CCDC172: variants seen among roughly 807,000 people sequenced by gnomAD.
CCDC172 encodes coiled-coil domain-containing protein 172.
In CCDC172, 30 loss-of-function variants were observed where a neutral mutation model predicts 38.0. The observed-to-expected ratio is 0.79, with a 90% CI of 0.59 to 1.07. The LOEUF (loss-of-function observed/expected upper bound fraction) is 1.07. CCDC172 is among the 50% of genes least tolerant of loss of function. CCDC172 has a pLI of 0.00. For synonymous variants in CCDC172, 78 were observed against 88.3 expected (o/e 0.88, Z 0.66); for missense variants, 297 against 290.1 (o/e 1.02, Z -0.17).
chr10:116,378,393 AC>A, intron 7 of CCDC172, 29 bp from the exon 8 acceptor site: 1 of 1,562,688 alleles, frequency 6.4e-7, no homozygotes, highest in East Asian at 2.3e-5. Context: ...TTATTATTAA[AC>A]TAACAGGTGA....
At chr10:116,374,458 G>A (rs1845221841) in intron 7 of CCDC172, among the ~76,000 whole-genome samples, 1 of 151,614 alleles carries the variant, frequency 6.6e-6, no homozygotes, top group Admixed American at 6.6e-5. Context: ...ATATCTTTCT[G>A]TGCCTAATTT....
intron 7 of CCDC172, among the ~76,000 whole-genome samples, chr10:116,377,441 C>T (rs1480054961): frequency 6.6e-6 from 1 of 152,128 alleles, no homozygotes; most frequent in Admixed American, 6.6e-5. Context: ...AACCCCCTTT[C>T]CTTCATTAAG....
chr10:116,340,646 A>T (rs866153692), intron 3 of CCDC172, 88 bp from the exon 4 acceptor site: 20 of 659,738 alleles, frequency 3.0e-5, no homozygotes, highest in African/African-American at 5.5e-5. Context: ...AATATATTTT[A>T]TACTAGACAA....
At position 116,359,172 on chromosome 10, in the gene CCDC172, T is replaced by C. The variant is rs112604217; in HGVS notation, c.653+1234T>C. Among the ~76,000 whole-genome samples, 1,209 of 152,306 alleles carry C rather than the reference T, an allele frequency of 7.9e-3. 23 individuals are homozygous for C. Among genetic ancestry groups the C allele is most frequent in the African/African-American group, 0.028 (1,151 of 41,566 alleles). The stretch of plus-strand genomic sequence containing the variant: ...CATAAGTTTTCCCAGGTGTGAAGAG[T>C]GAAGTCAAAGTACTGAGTATAAAGA... On this transcript the variant is annotated intron_variant, in intron 7 of 8. Transcript: ENST00000333254.
At chr10:116,378,734 G>C (rs534125218) in intron 8 of CCDC172, among the ~76,000 whole-genome samples, 1 of 152,152 alleles carries the variant, frequency 6.6e-6, no homozygotes, top group East Asian at 1.9e-4. Flanking sequence ...AAGAGAATAT[G>C]TATGATTTCA....
At chr10:116,365,900 A>T (rs1304518370) in intron 7 of CCDC172, among the ~76,000 whole-genome samples, 1 of 152,158 alleles carries the variant, frequency 6.6e-6, no homozygotes, top group Admixed American at 6.6e-5. Flanking sequence ...GTAACCTATG[A>T]TCATCTGCTA....
rs922670643 is a variant in CCDC172, at chr10:116,329,007, T to C, written c.165+3619T>C. 2.6e-5 allele frequency among the ~76,000 whole-genome samples: 4 copies of C among 152,188 alleles called. No individual in the cohort carries two copies. In the East Asian group the frequency reaches 5.8e-4, roughly 22 times the overall value. ...ATTCAACAAACATTCATTGAGCAAC[T>C]GCTAAATCACACTATGAATACTTGG... On this transcript the variant is annotated intron_variant, in intron 3 of 8. Coordinates refer to ENST00000333254, the MANE Select transcript of CCDC172 (RefSeq NM_198515.3).
At chr10:116,352,999 C>T (rs1844949888) in intron 5 of CCDC172, among the ~76,000 whole-genome samples, 2 of 152,054 alleles carry the variant, frequency 1.3e-5, no homozygotes, top group Admixed American at 6.6e-5. Context: ...CAAGACCATC[C>T]TGGCTAACAT....
intron 7 of CCDC172, among the ~76,000 whole-genome samples, chr10:116,371,992 C>G (rs1220602914): frequency 6.6e-6 from 1 of 152,088 alleles, no homozygotes; most frequent in Non-Finnish European, 1.5e-5. Context: ...GTCATTTAAT[C>G]TGTATTTCAT....
At position 116,379,361 on chromosome 10, in the gene CCDC172, T is replaced by TA; in HGVS notation, c.*4dup. 1.9e-6 allele frequency: 3 copies of TA among 1,578,460 alleles called. No individual in the cohort carries two copies. The highest frequency in any genetic ancestry group is 2.6e-6 in the Non-Finnish European group (3 of 1,161,790). ...AAGATCTTCAGGAAAGCAAATAACT[T>TA]ACAGAGAATTGATCAGCCATCTGAG... is the stretch of plus-strand genomic sequence containing the variant. On this transcript the variant is annotated 3_prime_UTR_variant, in exon 9 of 9. Transcript: ENST00000333254.
Position 116,360,395 on chromosome 10 carries a change from G to T in CCDC172, c.653+2457G>T, listed in dbSNP as rs76170623. On this transcript the variant is annotated intron_variant, in intron 7 of 8. Coordinates refer to ENST00000333254, the MANE Select transcript of CCDC172 (RefSeq NM_198515.3). ...GGCACATAGTGTTCAATAAATATTT[G>T]TTCCCGTAATTGAGTCTACATATAA... Among the ~76,000 whole-genome samples the T allele has an allele frequency of 3.5e-3, 534 of 152,236 alleles. 5 individuals are homozygous for T. Among genetic ancestry groups the T allele is most frequent in the Non-Finnish European group, 6.3e-3 (429 of 68,024 alleles).
At chr10:116,378,290 A>G in intron 7 of CCDC172, 133 bp from the exon 8 acceptor site, 1 of 915,576 alleles carries the variant, frequency 1.1e-6, no homozygotes, top group Non-Finnish European at 1.5e-6. Context: ...AATTATAGAT[A>G]ATTAAAATAT....
At chr10:116,364,913 A>G (rs1446459231) in intron 7 of CCDC172, among the ~76,000 whole-genome samples, 2 of 152,212 alleles carry the variant, frequency 1.3e-5, no homozygotes, top group Non-Finnish European at 2.9e-5. Context: ...GGTAACTGAA[A>G]AAAATTTGTA....
intron 7 of CCDC172, 118 bp from the exon 8 acceptor site, chr10:116,378,305 A>G (rs1259623283): frequency 6.8e-6 from 7 of 1,025,936 alleles, no homozygotes; most frequent in South Asian, 4.4e-5. Context: ...AAATATGCCA[A>G]TTATTTAGTC....
At chr10:116,357,352 T>C in intron 5 of CCDC172, 28 bp from the exon 6 acceptor site, 1 of 1,412,248 alleles carries the variant, frequency 7.1e-7, no homozygotes, top group Middle Eastern at 1.8e-4. Context: ...AAGTATTTTA[T>C]TTTTGATGCT....
intron 3 of CCDC172, 102 bp downstream of exon 3, chr10:116,325,490 A>C (rs1422666280): frequency 2.8e-5 from 24 of 857,688 alleles, no homozygotes; most frequent in Non-Finnish European, 3.7e-6. Flanking sequence ...TTCAAGTAGG[A>C]AGCACGTTAC....
At position 116,340,847 on chromosome 10, in the gene CCDC172, C is replaced by T. The variant is rs377376030; in HGVS notation, c.279C>T (p.Thr93=). 1.8e-5 allele frequency: 27 copies of T among 1,486,592 alleles called. No homozygotes were observed. Among genetic ancestry groups the T allele is most frequent in the Non-Finnish European group, 2.1e-5 (23 of 1,071,416 alleles). The allele number at this position is 1,486,592 out of a possible 1,614,324, so 92.1% of individuals were successfully genotyped here. A position where few individuals can be genotyped will look rare whatever the true frequency, so the allele number is the denominator to read the frequency against. ...ITNHRNMLLQ[T]FEAIKKQMIE... ...ACCATAGGAATATGCTTCTTCAAAC[C>T]TTTGTAAGTTTCCAGCCACCTAGAA... The change falls in exon 4 of 9, where the codon ACC becomes ACT. Residue 93 remains threonine, a synonymous_variant. Coordinates refer to ENST00000333254, the MANE Select transcript of CCDC172 (RefSeq NM_198515.3).
chr10:116,353,363 A>G (rs186788584), intron 5 of CCDC172, among the ~76,000 whole-genome samples: 6 of 152,176 alleles, frequency 3.9e-5, no homozygotes, highest in African/African-American at 1.4e-4. Context: ...AGATATGCAC[A>G]AGCAATAAAG....
chr10:116,346,377 A>G (rs1239277681), intron 5 of CCDC172, among the ~76,000 whole-genome samples: 1 of 152,092 alleles, frequency 6.6e-6, no homozygotes, highest in Non-Finnish European at 1.5e-5. Flanking sequence ...AAAAATGACT[A>G]ATTCTACTGA....
Sources: gnomAD v4.1 joint callset for allele counts (sites outside exome capture counted in the v4.1 genomes callset) on GRCh38, gnomAD v4.1.1 for gene constraint, MANE v1.5 for transcripts, NCBI Gene and HGNC (gene_info 2026-07-23, HGNC 2026-07-21) for gene names.